Variants in SPATA31H1 observed in about 807,000 individuals in gnomAD.
The protein encoded by SPATA31H1 is SPATA31 subfamily H member 1.
At chr2:27,579,290 G>A in the SPATA31H1 span, 1 of 1,614,168 alleles carries the variant, frequency 6.2e-7, no homozygotes. Flanking sequence ...TGGAAAGGAA[G>A]CTTTGTTCTC....
chr2:27,581,387 C>T, the SPATA31H1 span: 2 of 1,613,620 alleles, frequency 1.2e-6, no homozygotes, highest in East Asian at 4.5e-5. Flanking sequence ...CTGAGAGAAG[C>T]TGGCGCAGTC....
the SPATA31H1 span, chr2:27,581,218 C>T: frequency 1.2e-6 from 2 of 1,614,190 alleles, no homozygotes; most frequent in Non-Finnish European, 8.5e-7. Context: ...AGGGAGAGAA[C>T]CCCACGCGGT....
At chr2:27,544,502 T>G in the SPATA31H1 span, among the ~76,000 whole-genome samples, 2 of 151,838 alleles carry the variant, frequency 1.3e-5, no homozygotes, top group South Asian at 4.2e-4. Context: ...AAGCATAATG[T>G]GTTTGAGATT....
At chr2:27,560,406 A>G in the SPATA31H1 span, among the ~76,000 whole-genome samples, 7 of 152,132 alleles carry the variant, frequency 4.6e-5, no homozygotes, top group Non-Finnish European at 8.8e-5. Context: ...ATTTAATAAA[A>G]TACGATATTT....
chr2:27,539,650 C>T, the SPATA31H1 span, among the ~76,000 whole-genome samples: 48 of 101,194 alleles, frequency 4.7e-4, no homozygotes, highest in African/African-American at 1.1e-3. Flanking sequence ...CCAGACGGGG[C>T]CGTGGCCGGG....
At chr2:27,577,208 G>A in the SPATA31H1 span, 2 of 1,613,924 alleles carry the variant, frequency 1.2e-6, no homozygotes. The surrounding 1 kb of genome is among the most constrained non-coding windows in gnomAD (Gnocchi z 4.5). Context: ...TGACTCCAAT[G>A]GTAAGGGATC....
the SPATA31H1 span, chr2:27,570,939 T>C: frequency 2.5e-6 from 1 of 398,892 alleles, no homozygotes; most frequent in Non-Finnish European, 4.4e-6. Context: ...TCATTCTGAG[T>C]TGACCAGACA....
chr2:27,580,598 G>C, the SPATA31H1 span: 1 of 1,614,148 alleles, frequency 6.2e-7, no homozygotes, highest in Non-Finnish European at 8.5e-7. Context: ...GACAACCTAA[G>C]AAACCTTCCC....
the SPATA31H1 span, chr2:27,580,662 GCA>G: frequency 6.2e-7 from 1 of 1,614,238 alleles, no homozygotes; most frequent in Non-Finnish European, 8.5e-7. Context: ...ATTCCAAACA[GCA>G]CACAGAGTTA....
At chr2:27,579,437 G>A in the SPATA31H1 span, 1 of 1,614,094 alleles carries the variant, frequency 6.2e-7, no homozygotes, top group Non-Finnish European at 8.5e-7. Context: ...AGCCTTCTGT[G>A]GTCAAAAACT....
chr2:27,568,461 G>T, the SPATA31H1 span: 2 of 398,996 alleles, frequency 5.0e-6, no homozygotes, highest in Non-Finnish European at 8.8e-6. Flanking sequence ...TCAAGTCATG[G>T]GTTATGTGAA....
the SPATA31H1 span, chr2:27,576,653 G>C: frequency 3.7e-6 from 6 of 1,613,390 alleles, no homozygotes; most frequent in African/African-American, 5.3e-5. Context: ...TGAAATCAAT[G>C]ATGTTGGTAC....
the SPATA31H1 span, chr2:27,569,882 A>G: frequency 2.5e-6 from 1 of 398,796 alleles, no homozygotes; most frequent in Non-Finnish European, 4.4e-6. Flanking sequence ...TATTTCCAGG[A>G]CCACTTCTTC....
At chr2:27,559,851 A>G in the SPATA31H1 span, among the ~76,000 whole-genome samples, 6 of 151,908 alleles carry the variant, frequency 3.9e-5, no homozygotes. Flanking sequence ...TTATACTTGT[A>G]TTTTATTTAT....
the SPATA31H1 span, chr2:27,566,787 T>G: frequency 1.4e-6 from 1 of 717,448 alleles, no homozygotes; most frequent in African/African-American, 1.7e-5. Context: ...GATTTCTTCC[T>G]CTACCACCTC....
At chr2:27,563,385 C>CTTTTTTTTTTTTTTTTT in the SPATA31H1 span, among the ~76,000 whole-genome samples, 2 of 68,720 alleles carry the variant, frequency 2.9e-5, 1 homozygote, top group African/African-American at 1.2e-4. Flanking sequence ...TCTTCTACTT[C>CTTTTTTTTTTTTTTTTT]TTTTTTTTTT....
the SPATA31H1 span, chr2:27,576,438 G>A: frequency 1.5e-6 from 1 of 647,310 alleles, no homozygotes; most frequent in South Asian, 2.2e-5. Flanking sequence ...TTCTCAAGAT[G>A]TGAAATCTGT....
chr2:27,582,175 G>C, the SPATA31H1 span: 1 of 1,614,128 alleles, frequency 6.2e-7, no homozygotes, highest in Non-Finnish European at 8.5e-7. Context: ...TCTGAGAGGA[G>C]AGGACACAGT....
At chr2:27,577,341 C>A in the SPATA31H1 span, 2 of 1,613,930 alleles carry the variant, frequency 1.2e-6, no homozygotes, top group Non-Finnish European at 1.7e-6. This position sits in a 1 kb window ranked among gnomAD's most constrained non-coding sequence, Gnocchi z 4.5. Context: ...GAAGCCACTG[C>A]AGCAAACTGT....
Sources: allele counts gnomAD v4.1 joint callset (sites outside exome capture counted in the v4.1 genomes callset), GRCh38; gene constraint gnomAD v4.1.1; non-coding constraint Gnocchi (gnomAD v3.1); transcripts MANE v1.5; gene names NCBI Gene and HGNC (gene_info 2026-07-23, HGNC 2026-07-21).